Variants in CPEB3 observed in about 807,000 individuals in gnomAD.
The protein encoded by CPEB3 is cytoplasmic polyadenylation element binding protein 3.
Under a neutral mutation model 67.2 loss-of-function variants are expected in CPEB3, and 20 were observed. That is an observed-to-expected ratio of 0.30 (90% CI 0.21 to 0.43). The LOEUF (loss-of-function observed/expected upper bound fraction) is 0.43. Ranked by LOEUF, CPEB3 falls within the 20% of genes least tolerant of loss-of-function variation. The pLI is 1.00. For missense variants in CPEB3, 746 were observed against 968.6 expected, an observed-to-expected ratio of 0.77 and a Z score of 3.05; for synonymous variants, 376 against 393.1, an observed-to-expected ratio of 0.96 and a Z score of 0.51.
At chr10:92,167,227 A>G (rs566528702) in intron 4 of CPEB3, among the ~76,000 whole-genome samples, 19 of 152,328 alleles carry the variant, frequency 1.2e-4, no homozygotes, top group African/African-American at 4.6e-4. Context: ...TCGCTTTCTT[A>G]CCATTAGTGT....
chr10:92,238,497 T>A (rs1851647351), intron 2 of CPEB3, among the ~76,000 whole-genome samples: 1 of 152,224 alleles, frequency 6.6e-6, no homozygotes, highest in Admixed American at 6.5e-5. Context: ...TCAAATGATG[T>A]AATTGATCTG....
intron 7 of CPEB3, among the ~76,000 whole-genome samples, chr10:92,104,775 T>C (rs1844360347): frequency 6.6e-6 from 1 of 152,032 alleles, no homozygotes; most frequent in Admixed American, 6.6e-5. Flanking sequence ...ATTTGCAGAT[T>C]CAGACACCCA....
At chr10:92,215,077 A>T (rs1232528339) in intron 2 of CPEB3, among the ~76,000 whole-genome samples, 1 of 151,078 alleles carries the variant, frequency 6.6e-6, no homozygotes, top group Non-Finnish European at 1.5e-5. Flanking sequence ...CAAACTCCTG[A>T]CCTCAAGTGA....
chr10:92,113,163 G>A (rs757187226), intron 6 of CPEB3, among the ~76,000 whole-genome samples: 3 of 152,216 alleles, frequency 2.0e-5, no homozygotes, highest in Non-Finnish European at 2.9e-5. Flanking sequence ...AAGGTTTTAG[G>A]ACCAAGAGCT....
At chr10:92,278,548 T>C (rs940945311) in intron 1 of CPEB3, among the ~76,000 whole-genome samples, 1 of 152,082 alleles carries the variant, frequency 6.6e-6, no homozygotes, top group African/African-American at 2.4e-5. Context: ...ACACAATACC[T>C]TTTTGCACAT....
intron 2 of CPEB3, among the ~76,000 whole-genome samples, chr10:92,203,482 GTGTATA>G (rs1849628128): frequency 4.1e-5 from 6 of 145,236 alleles, no homozygotes; most frequent in Non-Finnish European, 1.5e-5. Flanking sequence ...ATATATATGT[GTGTATA>G]TGTGTATATA....
chr10:92,283,852 G>A (rs1350871759), intron 1 of CPEB3, among the ~76,000 whole-genome samples: 5 of 144,478 alleles, frequency 3.5e-5, no homozygotes, highest in East Asian at 2.1e-4. Context: ...TCAGCCTCCC[G>A]AGTAGCTGGG....
At chr10:92,163,326 C>T (rs1160869831) in intron 4 of CPEB3, among the ~76,000 whole-genome samples, 1 of 151,868 alleles carries the variant, frequency 6.6e-6, no homozygotes, top group African/African-American at 2.4e-5. Context: ...CCCAGCTACT[C>T]GGGAGGCTGA....
intron 8 of CPEB3, among the ~76,000 whole-genome samples, chr10:92,086,214 GCA>G (rs1426809077): frequency 1.3e-5 from 2 of 152,154 alleles, no homozygotes; most frequent in African/African-American, 4.8e-5. Flanking sequence ...GAGGCATAGG[GCA>G]CCTTAAGATA....
At chr10:92,068,133 G>C (rs1358444087) in intron 9 of CPEB3, among the ~76,000 whole-genome samples, 2 of 152,150 alleles carry the variant, frequency 1.3e-5, no homozygotes, top group Non-Finnish European at 2.9e-5. Flanking sequence ...CAATGCCTCT[G>C]CCATATGTTT....
chr10:92,093,741 A>G (rs1244015848), intron 7 of CPEB3, among the ~76,000 whole-genome samples: 1 of 152,024 alleles, frequency 6.6e-6, no homozygotes, highest in African/African-American at 2.4e-5. Flanking sequence ...ACCTGAGGGG[A>G]TCTACCCACT....
chr10:92,208,098 G>A (rs923575922), intron 2 of CPEB3, among the ~76,000 whole-genome samples: 2 of 152,090 alleles, frequency 1.3e-5, no homozygotes, highest in Admixed American at 1.3e-4. Flanking sequence ...AAAAATATGT[G>A]GGAAAAATGC....
At chr10:92,195,044 AAAACACACAC>A (rs1465199146) in intron 2 of CPEB3, among the ~76,000 whole-genome samples, 9 of 74,664 alleles carry the variant, frequency 1.2e-4, no homozygotes, top group African/African-American at 3.3e-4. Flanking sequence ...ACTGTCTCAA[AAAACACACAC>A]ACACACACAC....
chr10:92,119,312 C>T (rs1249427446), intron 6 of CPEB3: 2 of 1,441,418 alleles, frequency 1.4e-6, no homozygotes, highest in Non-Finnish European at 9.7e-7. Context: ...CAGTAGAGTA[C>T]CTTGTAGAAC....
chr10:92,213,198 TC>T (rs2134358403), intron 2 of CPEB3, among the ~76,000 whole-genome samples: 1 of 152,266 alleles, frequency 6.6e-6, no homozygotes, highest in South Asian at 2.1e-4. Flanking sequence ...ACTTCTCCCA[TC>T]CTAAGACACT....
chr10:92,231,433 T>C (rs1481226895), intron 2 of CPEB3, among the ~76,000 whole-genome samples: 2 of 152,160 alleles, frequency 1.3e-5, no homozygotes, highest in East Asian at 1.9e-4. Context: ...GAACACTTTG[T>C]ACACATTCTC....
At chr10:92,288,226 G>A (rs564713870) in intron 1 of CPEB3, among the ~76,000 whole-genome samples, 137 of 152,210 alleles carry the variant, frequency 9.0e-4, no homozygotes, top group Non-Finnish European at 1.7e-3. Flanking sequence ...TTGGGAGGCC[G>A]AGGTGGGAGG....
At chr10:92,243,454 G>A (rs1232823490) in intron 1 of CPEB3, among the ~76,000 whole-genome samples, 1 of 152,098 alleles carries the variant, frequency 6.6e-6, no homozygotes, top group African/African-American at 2.4e-5. Context: ...TCTAAATCAC[G>A]AGTTGTTGAA....
intron 4 of CPEB3, among the ~76,000 whole-genome samples, chr10:92,151,070 C>T (rs753222421): frequency 2.0e-5 from 3 of 152,166 alleles, no homozygotes; most frequent in African/African-American, 4.8e-5. Flanking sequence ...ACCAAACAAG[C>T]TTGCAGGAAA....
Sources: allele counts gnomAD v4.1 joint callset (sites outside exome capture counted in the v4.1 genomes callset), GRCh38; gene constraint gnomAD v4.1.1; transcripts MANE v1.5; gene names NCBI Gene and HGNC (gene_info 2026-07-23, HGNC 2026-07-21).